GPHN: variants seen among roughly 807,000 people sequenced by gnomAD.
GPHN encodes gephyrin.
GPHN carries 17 observed loss-of-function variants against 95.5 expected under a neutral mutation model. The observed-to-expected ratio is 0.18, with a 90% CI of 0.12 to 0.27. The LOEUF is 0.27. Ranked by LOEUF, GPHN falls within the 10% of genes least tolerant of loss-of-function variation. The pLI, the probability that GPHN is intolerant of heterozygous loss-of-function variation, is 1.00. For synonymous variants in GPHN, 320 were observed against 322.5 expected, an observed-to-expected ratio of 0.99 and a Z score of 0.08; for missense variants, 660 against 978.1, an observed-to-expected ratio of 0.67 and a Z score of 4.34.
At chr14:67,350,067 A>G in the GPHN span, among the ~76,000 whole-genome samples, 6 of 152,280 alleles carry the variant, frequency 3.9e-5, no homozygotes, top group Non-Finnish European at 8.8e-5. Context: ...TTGGAGAATT[A>G]CATAACATAT....
intron 6 of GPHN, among the ~76,000 whole-genome samples, chr14:66,916,968 G>A (rs1375302726): frequency 6.6e-6 from 1 of 152,204 alleles, no homozygotes; most frequent in Non-Finnish European, 1.5e-5. Context: ...GGCCAAGGCA[G>A]TGTAGGGTGT....
intron 8 of GPHN, among the ~76,000 whole-genome samples, chr14:66,956,270 A>T (rs1567148040): frequency 6.6e-6 from 1 of 152,070 alleles, no homozygotes; most frequent in Non-Finnish European, 1.5e-5. Flanking sequence ...TTGAATTTTC[A>T]TATGTTATGT....
chr14:67,482,210 A>T, the GPHN span, among the ~76,000 whole-genome samples: 1 of 152,170 alleles, frequency 6.6e-6, no homozygotes, highest in Non-Finnish European at 1.5e-5. Context: ...CACTAAGAGC[A>T]TCTCACCGGC....
chr14:67,581,105 C>T, the GPHN span: 1 of 969,780 alleles, frequency 1.0e-6, no homozygotes, highest in Non-Finnish European at 1.7e-6. Flanking sequence ...CTCATCGCCT[C>T]CTCGACTAGA....
At chr14:66,898,243 T>C (rs992580949) in intron 5 of GPHN, among the ~76,000 whole-genome samples, 1 of 151,880 alleles carries the variant, frequency 6.6e-6, no homozygotes, top group East Asian at 1.9e-4. Flanking sequence ...CTTTTAGCAG[T>C]TGTGTTTTTT....
At chr14:66,746,005 T>A (rs527793803) in intron 2 of GPHN, among the ~76,000 whole-genome samples, 2 of 152,070 alleles carry the variant, frequency 1.3e-5, no homozygotes, top group Non-Finnish European at 2.9e-5. Flanking sequence ...GTTGTGTATG[T>A]CAATAATTTA....
intron 3 of GPHN, among the ~76,000 whole-genome samples, chr14:66,811,060 ATTAT>A (rs1204906243): frequency 8.5e-5 from 13 of 152,228 alleles, no homozygotes; most frequent in Non-Finnish European, 1.6e-4. Context: ...ATACAGATTG[ATTAT>A]TTATGACATA....
At chr14:66,667,085 C>G (rs972926008) in intron 1 of GPHN, among the ~76,000 whole-genome samples, 1 of 152,042 alleles carries the variant, frequency 6.6e-6, no homozygotes, top group Non-Finnish European at 1.5e-5. Flanking sequence ...AACAACAAAG[C>G]GAAAGATCTC....
the GPHN span, among the ~76,000 whole-genome samples, chr14:67,272,965 C>G: frequency 6.7e-3 from 1,026 of 152,292 alleles, 12 homozygotes; most frequent in Admixed American, 0.029. Flanking sequence ...TGAGCCACCA[C>G]GCCTGGCCTG....
chr14:67,562,489 G>C, the GPHN span: 1 of 1,613,226 alleles, frequency 6.2e-7, no homozygotes, highest in South Asian at 1.1e-5. Flanking sequence ...GTGAGGGTCT[G>C]GTTACTGCTC....
chr14:66,921,359 AT>A (rs1291574372), intron 6 of GPHN, among the ~76,000 whole-genome samples: 2 of 149,756 alleles, frequency 1.3e-5, no homozygotes, highest in African/African-American at 4.9e-5. Context: ...GATGTTGAAC[AT>A]TTTTTCATAT....
At chr14:66,569,578 G>A (rs554499881) in intron 1 of GPHN, among the ~76,000 whole-genome samples, 7 of 151,900 alleles carry the variant, frequency 4.6e-5, no homozygotes, top group South Asian at 2.1e-4. Flanking sequence ...CAAGAGAATC[G>A]CTTGAACCTG....
the GPHN span, among the ~76,000 whole-genome samples, chr14:67,515,733 A>G: frequency 6.6e-6 from 1 of 152,158 alleles, no homozygotes. Context: ...AGTTGTGGGG[A>G]CCAGGCGTGC....
chr14:67,104,611 C>A lies in GPHN; in HGVS notation c.1293+3700C>A, dbSNP rs527611094. Among the ~76,000 whole-genome samples, 4 of 152,210 alleles carry A rather than the reference C, an allele frequency of 2.6e-5. No homozygotes were observed. The South Asian group carries it at 6.2e-4, about 24-fold the overall frequency. ...GATTGTATGTATTGAGGAATTTACTCACTTCTGCTAGGTTTTCTAATTTTT... is the reference window on the plus strand; with the variant it reads ...GATTGTATGTATTGAGGAATTTACTAACTTCTGCTAGGTTTTCTAATTTTT... On this transcript the variant is annotated intron_variant, in intron 13 of 22. Coordinates refer to ENST00000478722, the MANE Select transcript of GPHN (RefSeq NM_020806.5).
intron 5 of GPHN, among the ~76,000 whole-genome samples, chr14:66,886,755 C>G (rs2064216820): frequency 6.6e-6 from 1 of 152,066 alleles, no homozygotes; most frequent in African/African-American, 2.4e-5. Context: ...CAACATTAAG[C>G]AGACCAGCAT....
intron 9 of GPHN, among the ~76,000 whole-genome samples, chr14:67,003,063 G>T (rs1322262680): frequency 2.6e-5 from 4 of 151,428 alleles, no homozygotes; most frequent in African/African-American, 9.7e-5. Context: ...TTTTCATTCT[G>T]CCAGGTGACT....
At chr14:67,448,642 G>A in the GPHN span, among the ~76,000 whole-genome samples, 1 of 152,064 alleles carries the variant, frequency 6.6e-6, no homozygotes, top group East Asian at 1.9e-4. Flanking sequence ...GTGGGGGGCT[G>A]TGGAGGGGAG....
At chr14:67,447,765 T>A in the GPHN span, 1 of 152,206 alleles carries the variant, frequency 6.6e-6, no homozygotes, top group Non-Finnish European at 1.5e-5. Flanking sequence ...CATGGAAAGA[T>A]GATATGTCCT....
At chr14:67,729,975 A>C in the GPHN span, among the ~76,000 whole-genome samples, 1 of 152,336 alleles carries the variant, frequency 6.6e-6, no homozygotes, top group East Asian at 1.9e-4. Flanking sequence ...CGCTTTGTTC[A>C]AGGCTTTTCA....
Sources: allele counts gnomAD v4.1 joint callset (sites outside exome capture counted in the v4.1 genomes callset), GRCh38; gene constraint gnomAD v4.1.1; transcripts MANE v1.5; gene names NCBI Gene and HGNC (gene_info 2026-07-23, HGNC 2026-07-21).